The following SAMMSON variants were observed in gnomAD, a reference collection of about 807,000 sequenced individuals.
The protein encoded by SAMMSON is long intergenic non-protein coding RNA 1212.
At chr3:70,080,739 T>A (rs1221081371) in intron 4 of SAMMSON, among the ~76,000 whole-genome samples, 2 of 152,142 alleles carry the variant, frequency 1.3e-5, no homozygotes, top group Non-Finnish European at 2.9e-5. Context: ...ATTGTGTTTA[T>A]GTCCTATAAA....
At chr3:70,319,951 T>G (rs1433469862) in intron 7 of SAMMSON, among the ~76,000 whole-genome samples, 1 of 152,098 alleles carries the variant, frequency 6.6e-6, no homozygotes, top group African/African-American at 2.4e-5. Context: ...TCGAGTTTCC[T>G]AGAAATACAT....
chr3:70,239,796 G>A (rs889880073), intron 4 of SAMMSON, among the ~76,000 whole-genome samples: 20 of 152,132 alleles, frequency 1.3e-4, no homozygotes, highest in Non-Finnish European at 2.6e-4. Context: ...ATACAGTGAC[G>A]TCTCGTTCAA....
chr3:70,113,402 A>G (rs1428110571), intron 4 of SAMMSON, among the ~76,000 whole-genome samples: 1 of 152,242 alleles, frequency 6.6e-6, no homozygotes, highest in African/African-American at 2.4e-5. Context: ...ACATAAACCA[A>G]TGTTACAAAT....
chr3:70,165,947 T>C lies in SAMMSON; in HGVS notation n.508-83160T>C, dbSNP rs547799182. 5.6e-4 allele frequency among the ~76,000 whole-genome samples: 85 copies of C among 152,136 alleles called. 1 individual carries two copies. Among genetic ancestry groups the C allele is most frequent in the Admixed American group, 9.8e-4 (15 of 15,244 alleles). On this transcript the variant is annotated intron_variant and non_coding_transcript_variant, in intron 4 of 9. Coordinates refer to ENST00000642114, the Ensembl canonical transcript of SAMMSON. ...GTGATGGTTCCAGATTTTGCACTAA[T>C]TAATTATGGGAAATTTAGACAGGAC...
At chr3:70,187,254 A>G (rs1701097986) in intron 4 of SAMMSON, among the ~76,000 whole-genome samples, 1 of 152,130 alleles carries the variant, frequency 6.6e-6, no homozygotes, top group South Asian at 2.1e-4. Flanking sequence ...TTATGGTTTC[A>G]TCAGAGTACC....
intron 4 of SAMMSON, chr3:70,137,572 T>A (rs546847501): frequency 5.9e-5 from 9 of 152,308 alleles, no homozygotes; most frequent in Admixed American, 5.2e-4. Context: ...AAACCTAAAA[T>A]ATTTCCTTTC....
chr3:70,404,292 A>T (rs1387817343), intron 2 of SAMMSON, among the ~76,000 whole-genome samples: 2 of 151,748 alleles, frequency 1.3e-5, no homozygotes, highest in South Asian at 2.1e-4. Context: ...TTATGAAAAA[A>T]CTCATTATCC....
chr3:70,142,562 TAA>T (rs2067532254), intron 4 of SAMMSON, among the ~76,000 whole-genome samples: 1 of 152,016 alleles, frequency 6.6e-6, no homozygotes, highest in South Asian at 2.1e-4. Flanking sequence ...GGGTGAGTGA[TAA>T]AAGACTACAA....
intron 4 of SAMMSON, among the ~76,000 whole-genome samples, chr3:70,092,060 G>A (rs2067306806): frequency 6.6e-6 from 1 of 152,022 alleles, no homozygotes; most frequent in African/African-American, 2.4e-5. Flanking sequence ...ATAAGGAAGC[G>A]AAGATCTAGG....
intron 7 of SAMMSON, among the ~76,000 whole-genome samples, chr3:70,295,092 C>T (rs775921661): frequency 6.6e-6 from 1 of 152,000 alleles, no homozygotes; most frequent in Non-Finnish European, 1.5e-5. Flanking sequence ...GGCAGTGGGA[C>T]CATTATTGGG....
chr3:70,169,250 T>C (rs2067651484), intron 4 of SAMMSON, among the ~76,000 whole-genome samples: 1 of 152,024 alleles, frequency 6.6e-6, no homozygotes, highest in Non-Finnish European at 1.5e-5. Context: ...GAAAATATCA[T>C]TTGAAAAAGC....
chr3:70,259,787 G>A (rs1701848822), intron 6 of SAMMSON, among the ~76,000 whole-genome samples: 1 of 152,132 alleles, frequency 6.6e-6, no homozygotes, highest in Admixed American at 6.5e-5. Context: ...GACCGAGACT[G>A]GGTCATTTAT....
intron 3 of SAMMSON, among the ~76,000 whole-genome samples, chr3:70,058,799 A>T (rs747522058): frequency 2.7e-4 from 41 of 152,086 alleles, no homozygotes; most frequent in African/African-American, 9.7e-4. Flanking sequence ...CTCAAAATAG[A>T]TAGGTTCTAT....
At chr3:70,381,757 T>C (rs1229551802) in intron 9 of SAMMSON, among the ~76,000 whole-genome samples, 2 of 151,952 alleles carry the variant, frequency 1.3e-5, no homozygotes, top group Non-Finnish European at 2.9e-5. Flanking sequence ...TAAGAGAAAT[T>C]GGAGGGAACA....
chr3:70,326,953 G>C (rs1702584601), intron 7 of SAMMSON, among the ~76,000 whole-genome samples: 3 of 152,100 alleles, frequency 2.0e-5, no homozygotes, highest in Admixed American at 1.3e-4. Context: ...CTGCCTTCTG[G>C]GTTTAAGAAA....
intron 7 of SAMMSON, among the ~76,000 whole-genome samples, chr3:70,306,575 A>G (rs187697000): frequency 6.6e-6 from 1 of 150,700 alleles, no homozygotes; most frequent in African/African-American, 2.4e-5. Flanking sequence ...CCCATTCCCC[A>G]CCCCCTATTT....
intron 3 of SAMMSON, among the ~76,000 whole-genome samples, chr3:70,034,411 A>G (rs1209052445): frequency 1.3e-5 from 2 of 152,184 alleles, no homozygotes; most frequent in African/African-American, 2.4e-5. Context: ...TTGAACTTGT[A>G]TGTAGATACT....
intron 9 of SAMMSON, among the ~76,000 whole-genome samples, chr3:70,380,684 C>A (rs941279255): frequency 1.3e-5 from 2 of 151,858 alleles, no homozygotes; most frequent in Non-Finnish European, 2.9e-5. Context: ...TAATGCTATC[C>A]CTCCCCTCTC....
chr3:70,234,886 T>A (rs1440848923), intron 4 of SAMMSON, among the ~76,000 whole-genome samples: 1 of 152,196 alleles, frequency 6.6e-6, no homozygotes, highest in Non-Finnish European at 1.5e-5. Flanking sequence ...CCTGTCACTT[T>A]TTAAACGCTG....
Sources: gnomAD v4.1 joint callset for allele counts (sites outside exome capture counted in the v4.1 genomes callset) on GRCh38, gnomAD v4.1.1 for gene constraint, MANE v1.5 for transcripts, NCBI Gene and HGNC (gene_info 2026-07-23, HGNC 2026-07-21) for gene names.